The following CNTN4 variants were observed in gnomAD, a reference collection of about 807,000 sequenced individuals.
CNTN4 encodes contactin-4.
In CNTN4, 77 loss-of-function variants were observed where a neutral mutation model predicts 122.5. The observed-to-expected ratio is 0.63, with a 90% CI of 0.52 to 0.76. The LOEUF is 0.76. Ranked by LOEUF, CNTN4 falls within the 30% of genes least tolerant of loss-of-function variation. CNTN4 has a pLI of 0.00. For synonymous variants in CNTN4, 512 were observed against 447.0 expected (o/e 1.15, Z -1.83); for missense variants, 1,256 against 1,259.1 (o/e 1.00, Z 0.04).
At chr3:2,574,046 G>A (rs1039498568) in intron 4 of CNTN4, among the ~76,000 whole-genome samples, 6 of 151,980 alleles carry the variant, frequency 3.9e-5, no homozygotes, top group South Asian at 2.1e-4. Context: ...AAGAAGCCCC[G>A]TCTCTACTAA....
At chr3:2,564,154 T>C (rs1342601038) in intron 3 of CNTN4, among the ~76,000 whole-genome samples, 1 of 152,178 alleles carries the variant, frequency 6.6e-6, no homozygotes, top group African/African-American at 2.4e-5. Context: ...AAATTATCAT[T>C]GTTGAACTAC....
At chr3:2,856,472 G>C (rs890662092) in intron 7 of CNTN4, among the ~76,000 whole-genome samples, 1 of 152,188 alleles carries the variant, frequency 6.6e-6, no homozygotes, top group Admixed American at 6.5e-5. Context: ...AAAGCACCCG[G>C]CACACAAGGG....
chr3:2,819,059 G>T (rs76180291), intron 6 of CNTN4, among the ~76,000 whole-genome samples: 9,655 of 152,050 alleles, frequency 0.063, 995 homozygotes, highest in African/African-American at 0.22. Flanking sequence ...TCTTGGGCAG[G>T]TCACTTAACA....
chr3:2,705,952 A>T (rs1421701579), intron 4 of CNTN4, among the ~76,000 whole-genome samples: 12 of 130,758 alleles, frequency 9.2e-5, no homozygotes, highest in African/African-American at 3.4e-4. Context: ...AATATATAAT[A>T]TATAAATATA....
intron 2 of CNTN4, among the ~76,000 whole-genome samples, chr3:2,243,129 TG>T (rs1436312245): frequency 6.6e-6 from 1 of 152,136 alleles, no homozygotes; most frequent in Non-Finnish European, 1.5e-5. Flanking sequence ...CTCCATGGAA[TG>T]TATTATTATC....
chr3:2,628,487 T>C (rs904984219), intron 4 of CNTN4, among the ~76,000 whole-genome samples: 4 of 152,230 alleles, frequency 2.6e-5, no homozygotes, highest in Non-Finnish European at 5.9e-5. Flanking sequence ...CTACTCTCGA[T>C]AGAATGCAGT....
intron 4 of CNTN4, among the ~76,000 whole-genome samples, chr3:2,616,270 T>C (rs2081733039): frequency 6.6e-6 from 1 of 152,114 alleles, no homozygotes; most frequent in Non-Finnish European, 1.5e-5. Context: ...CTTGTGTCAG[T>C]TTGCTGAGGA....
At chr3:2,708,593 C>T (rs777175991) in intron 4 of CNTN4, among the ~76,000 whole-genome samples, 1 of 152,196 alleles carries the variant, frequency 6.6e-6, no homozygotes, top group Non-Finnish European at 1.5e-5. Context: ...GGCTCTAAAA[C>T]TGTGGCCTGA....
intron 2 of CNTN4, among the ~76,000 whole-genome samples, chr3:2,168,240 A>G (rs955161270): frequency 2.9e-4 from 44 of 152,334 alleles, no homozygotes; most frequent in African/African-American, 1.4e-4. Flanking sequence ...GAAAATTTCA[A>G]ATATTAAATA....
At chr3:2,897,782 A>G (rs1446855533) in intron 10 of CNTN4, among the ~76,000 whole-genome samples, 1 of 152,162 alleles carries the variant, frequency 6.6e-6, no homozygotes, top group Non-Finnish European at 1.5e-5. Context: ...TTGTGGCATC[A>G]TGGTGGCCCT....
intron 3 of CNTN4, among the ~76,000 whole-genome samples, chr3:2,541,008 A>G (rs1456655489): frequency 6.6e-6 from 1 of 152,154 alleles, no homozygotes; most frequent in East Asian, 1.9e-4. Context: ...ACGGAGGGTT[A>G]TGAGATTTCT....
intron 2 of CNTN4, among the ~76,000 whole-genome samples, chr3:2,197,734 G>A (rs889075388): frequency 6.6e-6 from 1 of 152,142 alleles, no homozygotes; most frequent in African/African-American, 2.4e-5. Context: ...AGAGAATTCT[G>A]TCCAGGCACG....
At chr3:2,644,067 C>A (rs552900537) in intron 4 of CNTN4, among the ~76,000 whole-genome samples, 1 of 152,136 alleles carries the variant, frequency 6.6e-6, no homozygotes, top group Non-Finnish European at 1.5e-5. Flanking sequence ...CTTATGATTC[C>A]ATTTACTACT....
chr3:2,815,826 AC>A (rs941223123), intron 6 of CNTN4, among the ~76,000 whole-genome samples: 2 of 151,472 alleles, frequency 1.3e-5, no homozygotes, highest in African/African-American at 4.9e-5. Flanking sequence ...AAATCGTGGA[AC>A]CAACACAAGT....
At chr3:2,791,213 T>C (rs2091999298) in intron 6 of CNTN4, among the ~76,000 whole-genome samples, 1 of 152,182 alleles carries the variant, frequency 6.6e-6, no homozygotes, top group Admixed American at 6.5e-5. Flanking sequence ...ATTTTTATTA[T>C]TTAGTTCAGA....
At chr3:2,807,582 A>C (rs1046795562) in intron 6 of CNTN4, among the ~76,000 whole-genome samples, 6 of 152,134 alleles carry the variant, frequency 3.9e-5, no homozygotes, top group African/African-American at 9.7e-5. Flanking sequence ...AGAGAAGAGA[A>C]ACAGCCCTCG....
At chr3:2,557,494 G>A (rs1276563087) in intron 3 of CNTN4, among the ~76,000 whole-genome samples, 30 of 152,244 alleles carry the variant, frequency 2.0e-4, no homozygotes, top group Admixed American at 1.9e-3. Flanking sequence ...TTGGGAGGCC[G>A]AGGCGGGCAG....
chr3:2,488,520 T>C (rs989327656), intron 3 of CNTN4, among the ~76,000 whole-genome samples: 5 of 152,208 alleles, frequency 3.3e-5, no homozygotes, highest in African/African-American at 9.6e-5. Flanking sequence ...TGCCCTGAGC[T>C]ACTGGGATAG....
intron 6 of CNTN4, among the ~76,000 whole-genome samples, chr3:2,785,708 G>A (rs1026153131): frequency 2.0e-5 from 3 of 152,112 alleles, no homozygotes; most frequent in Admixed American, 6.5e-5. Context: ...TGCATAATTT[G>A]TGCTACCACC....
Sources: allele counts gnomAD v4.1 joint callset (sites outside exome capture counted in the v4.1 genomes callset), GRCh38; gene constraint gnomAD v4.1.1; transcripts MANE v1.5; gene names NCBI Gene and HGNC (gene_info 2026-07-23, HGNC 2026-07-21).